Variants in MEGF11 observed in about 807,000 individuals in gnomAD.
MEGF11 encodes the protein multiple epidermal growth factor-like domains protein 11.
Under a neutral mutation model 146.6 loss-of-function variants are expected in MEGF11, and 126 were observed. The observed-to-expected ratio is 0.86, with a 90% CI of 0.74 to 1.00. The LOEUF is 1.00. MEGF11 is among the 50% of genes least tolerant of loss of function. The pLI, the probability that MEGF11 is intolerant of heterozygous loss-of-function variation, is 0.00. For missense variants in MEGF11, 1,509 were observed against 1,521.2 expected, an observed-to-expected ratio of 0.99 and a Z score of 0.13; for synonymous variants, 532 against 583.4, an observed-to-expected ratio of 0.91 and a Z score of 1.27.
Position 65,916,217 on chromosome 15 carries a change from C to A in MEGF11, c.2275G>T (p.Ala759Ser). 6.4e-7 allele frequency: 1 copy of A among 1,571,404 alleles called. No homozygotes were observed. Among genetic ancestry groups the A allele is most frequent in the African/African-American group, 1.3e-5 (1 of 74,078 alleles). The part of the protein sequence containing the change: ...CGRVCQCQNG[A>S]SCDHISGKCT... ...TTGCCACTGATGTGGTCACAGCTGG[C>A]GCCATTCTGACACTGGCATACGCGC... The change falls in exon 18 of 26, where the codon GCC (alanine) becomes TCC (serine). Residue 759 changes from alanine (A) to serine (S), a missense_variant. By Grantham distance (99) the Ala-to-Ser change is moderately conservative. Coordinates refer to ENST00000395614, the MANE Select transcript of MEGF11 (RefSeq NM_001385028.1).
intron 1 of MEGF11, among the ~76,000 whole-genome samples, chr15:66,158,080 G>A (rs1288854775): frequency 6.6e-6 from 1 of 152,180 alleles, no homozygotes; most frequent in Non-Finnish European, 1.5e-5. Flanking sequence ...TTGCGTGAAT[G>A]ACTTGCAAAT....
chr15:66,077,172 C>T (rs886487712), intron 5 of MEGF11, among the ~76,000 whole-genome samples: 3 of 152,226 alleles, frequency 2.0e-5, no homozygotes, highest in African/African-American at 7.2e-5. Flanking sequence ...GGCTCCCACT[C>T]CTCTGGGTGC....
intron 5 of MEGF11, among the ~76,000 whole-genome samples, chr15:66,090,851 G>A (rs2086291580): frequency 6.6e-6 from 1 of 152,198 alleles, no homozygotes; most frequent in South Asian, 2.1e-4. Flanking sequence ...GCAAGTTATA[G>A]ACTAGCTCAT....
At chr15:66,005,620 AC>A (rs1032599134) in intron 5 of MEGF11, among the ~76,000 whole-genome samples, 1 of 152,174 alleles carries the variant, frequency 6.6e-6, no homozygotes, top group African/African-American at 2.4e-5. Flanking sequence ...GTAAACAAAA[AC>A]CTTTTCAGAT....
At chr15:66,233,933 CTTTTTTTTTTTCTTTTTCTT>C (rs2092028789) in intron 1 of MEGF11, among the ~76,000 whole-genome samples, 1 of 131,764 alleles carries the variant, frequency 7.6e-6, no homozygotes, top group Non-Finnish European at 1.6e-5. Flanking sequence ...ATTGTCATTT[CTTTTTTTTTTTCTTTTTCTT>C]TTTTTTTTTT....
At chr15:66,162,922 G>A (rs752571063) in intron 1 of MEGF11, among the ~76,000 whole-genome samples, 31 of 152,172 alleles carry the variant, frequency 2.0e-4, no homozygotes, top group Non-Finnish European at 3.2e-4. Flanking sequence ...TCTCGAAAGG[G>A]TAACATTGCA....
At chr15:66,230,281 C>T (rs914667088) in intron 1 of MEGF11, among the ~76,000 whole-genome samples, 1 of 152,184 alleles carries the variant, frequency 6.6e-6, no homozygotes, top group African/African-American at 2.4e-5. Flanking sequence ...GGCAGCTGCC[C>T]ACGGTTCCAC....
chr15:66,191,787 C>T (rs2090888179), intron 1 of MEGF11, among the ~76,000 whole-genome samples: 1 of 152,172 alleles, frequency 6.6e-6, no homozygotes, highest in Admixed American at 6.5e-5. Flanking sequence ...AATAAAAAGA[C>T]CTACTAGGCG....
At chr15:66,078,625 T>C (rs2085696686) in intron 5 of MEGF11, among the ~76,000 whole-genome samples, 1 of 152,152 alleles carries the variant, frequency 6.6e-6, no homozygotes, top group South Asian at 2.1e-4. Context: ...TGGGAGCAGG[T>C]GGGTGCAGTT....
At chr15:66,109,142 C>T (rs911224902) in intron 4 of MEGF11, among the ~76,000 whole-genome samples, 6 of 152,128 alleles carry the variant, frequency 3.9e-5, no homozygotes, top group Admixed American at 3.9e-4. Flanking sequence ...AGCCGCCAGA[C>T]CCCAGGTCTT....
intron 5 of MEGF11, among the ~76,000 whole-genome samples, chr15:66,045,798 T>C (rs1013734182): frequency 6.6e-5 from 10 of 152,224 alleles, no homozygotes; most frequent in African/African-American, 2.4e-4. Flanking sequence ...TACAACCCTG[T>C]GCAATAAAGA....
chr15:66,078,817 C>G (rs2140519912), intron 5 of MEGF11, among the ~76,000 whole-genome samples: 1 of 152,344 alleles, frequency 6.6e-6, no homozygotes, highest in South Asian at 2.1e-4. Context: ...CCACTGCCCG[C>G]CTCTTGCCAG....
chr15:66,079,119 G>A, intron 5 of MEGF11, among the ~76,000 whole-genome samples: 1 of 152,174 alleles, frequency 6.6e-6, no homozygotes, highest in Non-Finnish European at 1.5e-5. Context: ...GTGAGACTCT[G>A]GGAGACTGCC....
intron 5 of MEGF11, among the ~76,000 whole-genome samples, chr15:66,082,155 A>C (rs1259868375): frequency 1.3e-5 from 2 of 152,022 alleles, no homozygotes; most frequent in Non-Finnish European, 2.9e-5. Context: ...GGAAGAACAC[A>C]AGTTCTGGGT....
intron 5 of MEGF11, among the ~76,000 whole-genome samples, chr15:66,026,517 CT>C (rs2083336462): frequency 6.6e-6 from 1 of 152,158 alleles, no homozygotes; most frequent in Non-Finnish European, 1.5e-5. Flanking sequence ...CGGAGTCTTG[CT>C]TTGTCACCAG....
chr15:66,077,871 G>C (rs949300828), intron 5 of MEGF11, among the ~76,000 whole-genome samples: 1 of 152,190 alleles, frequency 6.6e-6, no homozygotes, highest in Non-Finnish European at 1.5e-5. Flanking sequence ...GGCAAGGGTG[G>C]GAATGATGGG....
intron 4 of MEGF11, among the ~76,000 whole-genome samples, chr15:66,116,621 A>G (rs1874009798): frequency 6.6e-6 from 1 of 152,192 alleles, no homozygotes; most frequent in African/African-American, 2.4e-5. Flanking sequence ...GTTTCAGGGG[A>G]TCCATGAACC....
intron 5 of MEGF11, among the ~76,000 whole-genome samples, chr15:66,074,348 C>T (rs1199871137): frequency 6.6e-6 from 1 of 152,182 alleles, no homozygotes; most frequent in Non-Finnish European, 1.5e-5. Context: ...ACAGGTATAG[C>T]GCTAGTTCAT....
At chr15:66,032,752 A>G (rs924425095) in intron 5 of MEGF11, among the ~76,000 whole-genome samples, 2 of 152,274 alleles carry the variant, frequency 1.3e-5, no homozygotes, top group Non-Finnish European at 2.9e-5. Flanking sequence ...GCTGCAAAGC[A>G]CGCAGCCTGC....
Sources: gnomAD v4.1 joint callset for allele counts (sites outside exome capture counted in the v4.1 genomes callset) on GRCh38, gnomAD v4.1.1 for gene constraint, MANE v1.5 for transcripts, NCBI Gene and HGNC (gene_info 2026-07-23, HGNC 2026-07-21) for gene names.